SIRPA: variants seen among roughly 807,000 people sequenced by gnomAD.
SIRPA encodes the protein signal regulatory protein alpha.
In SIRPA, 9 loss-of-function variants were observed where a neutral mutation model predicts 50.3. The observed-to-expected ratio is 0.18, with a 90% CI of 0.11 to 0.31. The LOEUF (loss-of-function observed/expected upper bound fraction) is 0.31, where lower values mean the gene tolerates loss of function less well. Ranked by LOEUF, SIRPA falls within the 10% of genes least tolerant of loss-of-function variation. SIRPA has a pLI of 1.00. For synonymous variants in SIRPA, 265 were observed against 284.1 expected, an observed-to-expected ratio of 0.93 and a Z score of 0.68; for missense variants, 474 against 661.6, an observed-to-expected ratio of 0.72 and a Z score of 3.11.
intron 1 of SIRPA, among the ~76,000 whole-genome samples, chr20:1,904,191 A>G: frequency 6.6e-6 from 1 of 152,304 alleles, no homozygotes. Context: ...GCCCTAAGAT[A>G]TCAGGAAGCA....
At chr20:1,903,011 C>CAAAAAAAAAAAAAAAAAAA (rs58735842) in intron 1 of SIRPA, among the ~76,000 whole-genome samples, 2 of 90,892 alleles carry the variant, frequency 2.2e-5, no homozygotes, top group African/African-American at 8.5e-5. Flanking sequence ...GACTCTGTCT[C>CAAAAAAAAAAAAAAAAAAA]AAAAAAAAAA....
chr20:1,921,786 G>T, intron 3 of SIRPA, 74 bp downstream of exon 3: 3 of 1,559,256 alleles, frequency 1.9e-6, no homozygotes, highest in African/African-American at 3.0e-5. Context: ...CACTCATCCA[G>T]CTCTACTCTT....
chr20:1,937,663 G>A lies in SIRPA; in HGVS notation c.*95G>A, dbSNP rs186304926. ...AGCACAGCCAACCCAGTTCCCGGAGGGCTGGGGCGGTGCAGGCTCTGGGAC... is the reference window on the plus strand; with the variant it reads ...AGCACAGCCAACCCAGTTCCCGGAGAGCTGGGGCGGTGCAGGCTCTGGGAC... On this transcript the variant is annotated 3_prime_UTR_variant, in exon 8 of 8. Coordinates refer to ENST00000358771, the MANE Select transcript of SIRPA (RefSeq NM_001040023.2). The surrounding 1 kb of genome is among the most constrained non-coding windows in gnomAD (Gnocchi z 8.3). 7.3e-4 allele frequency: 1,108 copies of A among 1,507,786 alleles called. 12 individuals carry two copies. In the African/African-American group the frequency reaches 0.014, roughly 19 times the overall value. The allele number at this position is 1,507,786 out of a possible 1,614,324, so 93.4% of individuals were successfully genotyped here. A position where few individuals can be genotyped will look rare whatever the true frequency, so the allele number is the denominator to read the frequency against.
At chr20:1,926,108 A>G (rs1473037601) in intron 5 of SIRPA, among the ~76,000 whole-genome samples, 1 of 152,004 alleles carries the variant, frequency 6.6e-6, no homozygotes, top group Non-Finnish European at 1.5e-5. Flanking sequence ...TAGCTCCTTC[A>G]CCTCTGCCTC....
chr20:1,934,603 T>C lies in SIRPA; in HGVS notation c.1227-112T>C. 1 of 984,024 alleles carries C rather than the reference T, an allele frequency of 1.0e-6. No individual in the cohort carries two copies. The highest frequency in any genetic ancestry group is 1.6e-6 in the Non-Finnish European group (1 of 632,086). 61.0% of individuals were successfully genotyped at this position (984,024 alleles called of 1,614,324 possible). A position where few individuals can be genotyped will look rare whatever the true frequency, so the allele number is the denominator to read the frequency against. On this transcript the variant is annotated intron_variant, in intron 6 of 7. Transcript: ENST00000358771. The surrounding 1 kb of genome is among the most constrained non-coding windows in gnomAD (Gnocchi z 4.6). ...TTGTATTTCTGTTATGAGTCCTTCG[T>C]TCATGTCCTCAACCCATATAGAAAA...
At chr20:1,907,739 C>T (rs929266283) in intron 1 of SIRPA, among the ~76,000 whole-genome samples, 2 of 152,250 alleles carry the variant, frequency 1.3e-5, no homozygotes, top group African/African-American at 4.8e-5. Flanking sequence ...TCTTACTTGG[C>T]TCTGTTTTCT....
chr20:1,934,306 C>T lies in SIRPA; in HGVS notation c.1227-409C>T, dbSNP rs1986452973. 2.0e-5 allele frequency among the ~76,000 whole-genome samples: 3 copies of T among 152,074 alleles called. No homozygotes were observed. The South Asian group carries it at 6.2e-4, about 32-fold the overall frequency. On this transcript the variant is annotated intron_variant, in intron 6 of 7. Transcript: ENST00000358771. This position sits in a 1 kb window ranked among gnomAD's most constrained non-coding sequence, Gnocchi z 4.6. Reference sequence around the variant, plus strand: ...AAAGCTTTTTCTATATTTTGAATTCCCCCAAAAAAAAGTGCAATTATGAGT... The same window carrying T: ...AAAGCTTTTTCTATATTTTGAATTCTCCCAAAAAAAAGTGCAATTATGAGT...
rs976892281 is a variant in SIRPA at position 1,922,497 on chromosome 20, G to A, written c.939G>A (p.Met313Ile). The part of the protein sequence containing the change: ...TENKDGTYNW[M>I]SWLLVNVSAH... ...ACAAGGATGGTACCTACAACTGGAT[G>A]AGCTGGCTCCTGGTGAATGTATCTG... The change falls in exon 4 of 8, where the codon ATG (methionine) becomes ATA (isoleucine). Residue 313 changes from methionine to isoleucine, a missense_variant. Met to Ile is a conservative substitution (Grantham distance 10). Transcript: ENST00000358771. The A allele has an allele frequency of 1.9e-6, 3 of 1,614,218 alleles. No homozygotes were observed. The highest frequency in any genetic ancestry group is 1.6e-4 in the Middle Eastern group (1 of 6,062).
Position 1,922,654 on chromosome 20 carries a change from TC to T in SIRPA, c.1087+10del, listed in dbSNP as rs759542494. The T allele has an allele frequency of 1.9e-6, 3 of 1,606,726 alleles. No individual in the cohort carries two copies. The African/African-American group carries it at 4.0e-5, about 21-fold the overall frequency. ...CTCAAATACCGCCGCTGGTGAGGCCTCTATTTCAGCTGACCCAGCTTTTTTA... is the reference window on the plus strand; with the variant it reads ...CTCAAATACCGCCGCTGGTGAGGCCTTATTTCAGCTGACCCAGCTTTTTTA... On this transcript the variant is annotated intron_variant, in intron 4 of 7. Transcript: ENST00000358771.
rs1983740096 is a variant in SIRPA at position 1,895,490 on chromosome 20, C to T, written c.43C>T (p.Leu15Phe). 5.5e-6 allele frequency: 8 copies of T among 1,458,688 alleles called. No homozygotes were observed. Among genetic ancestry groups the T allele is most frequent in the Non-Finnish European group, 7.2e-6 (8 of 1,109,320 alleles). 90.4% of individuals were successfully genotyped at this position (1,458,688 alleles called of 1,614,324 possible). A position where few individuals can be genotyped will look rare whatever the true frequency, so the allele number is the denominator to read the frequency against. Residue 15 changes from leucine to phenylalanine, a missense_variant, in exon 1 of 8, where the codon CTC (leucine) becomes TTC (phenylalanine). Physicochemically the swap from Leu to Phe is conservative, Grantham distance 22 (BLOSUM62 0). Transcript: ENST00000358771. ...GPAPGRLGPLLCLLLAASCAW... is the reference protein window; with the variant it reads ...GPAPGRLGPLFCLLLAASCAW... ...GGCCCCCGGCCGCCTCGGGCCGCTG[C>T]TCTGCCTGCTGCTCGCCGCGTCCTG...
chr20:1,927,807 A>G lies in SIRPA; in HGVS notation c.1202-68A>G, dbSNP rs976172119. ...GTCCCTGGAGGCAAACCTTTTGCCAAAAAATAGTTACATAAGAAAAGTGTG... is the reference window on the plus strand; with the variant it reads ...GTCCCTGGAGGCAAACCTTTTGCCAGAAAATAGTTACATAAGAAAAGTGTG... On this transcript the variant is annotated intron_variant, in intron 5 of 7. Transcript: ENST00000358771. This position sits in a 1 kb window ranked among gnomAD's most constrained non-coding sequence, Gnocchi z 6.5. 95 of 1,516,112 alleles carry G rather than the reference A, an allele frequency of 6.3e-5. No individual in the cohort carries two copies. The African/African-American group carries it at 1.0e-3, about 16-fold the overall frequency. The allele number at this position is 1,516,112 out of a possible 1,614,324, so 93.9% of individuals were successfully genotyped here. A position where few individuals can be genotyped will look rare whatever the true frequency, so the allele number is the denominator to read the frequency against.
chr20:1,908,353 CCA>C (rs1455998424), intron 1 of SIRPA, among the ~76,000 whole-genome samples: 3 of 151,992 alleles, frequency 2.0e-5, no homozygotes, highest in Non-Finnish European at 4.4e-5. Flanking sequence ...GTGCCACCCC[CCA>C]CACACACCCT....
At chr20:1,905,278 G>C (rs1984477664) in intron 1 of SIRPA, among the ~76,000 whole-genome samples, 1 of 152,180 alleles carries the variant, frequency 6.6e-6, no homozygotes. Flanking sequence ...GGCAACCTGA[G>C]AATCCAGAAG....
rs71193939 is a variant in SIRPA, at chr20:1,937,980, TCCACCACCACCACCACCACCACCA to T, written c.*420_*443del. Reference sequence around the variant, plus strand: ...CCCACCTCCCCTGACCTCCACCACCTCCACCACCACCACCACCACCACCACCACCACTACCACCACCACCCAACT... The same window carrying T: ...CCCACCTCCCCTGACCTCCACCACCTCCACCACTACCACCACCACCCAACT... On this transcript the variant is annotated 3_prime_UTR_variant, in exon 8 of 8. Coordinates refer to ENST00000358771, the MANE Select transcript of SIRPA (RefSeq NM_001040023.2). The surrounding 1 kb of genome is among the most constrained non-coding windows in gnomAD (Gnocchi z 8.3). 1 of 152,600 alleles carries T rather than the reference TCCACCACCACCACCACCACCACCA, an allele frequency of 6.6e-6. No individual in the cohort carries two copies. Among genetic ancestry groups the T allele is most frequent in the Admixed American group, 6.6e-5 (1 of 15,118 alleles). The allele number at this position is 152,600 out of a possible 1,614,324, so 9.5% of individuals were successfully genotyped here.
chr20:1,895,523 T>C lies in SIRPA; in HGVS notation c.76T>C (p.Ser26Pro). ...CLLLAASCAW[S>P]GVAGEEELQV... ...GCTGCTCGCCGCGTCCTGCGCCTGG[T>C]CAGGTAAGCACCCCCCCGCTCCCCA... The change falls in exon 1 of 8, where the codon TCA becomes CCA. Residue 26 changes from serine (S) to proline (P), a missense_variant. By Grantham distance (74) the Ser-to-Pro change is moderately conservative. This residue lies in a region of SIRPA where 72 missense variants were observed against 76.2 expected (regional missense o/e 0.94). Transcript: ENST00000358771. 2 of 1,457,756 alleles carry C rather than the reference T, an allele frequency of 1.4e-6. No individual in the cohort carries two copies. Among genetic ancestry groups the C allele is most frequent in the Non-Finnish European group, 1.8e-6 (2 of 1,107,222 alleles). 90.3% of individuals were successfully genotyped at this position (1,457,756 alleles called of 1,614,324 possible). A position where few individuals can be genotyped will look rare whatever the true frequency, so the allele number is the denominator to read the frequency against.
At chr20:1,910,570 C>A (rs1031390176) in intron 1 of SIRPA, among the ~76,000 whole-genome samples, 26 of 152,142 alleles carry the variant, frequency 1.7e-4, no homozygotes, top group African/African-American at 5.8e-4. Flanking sequence ...CTACACTGTG[C>A]CAACCACAGT....
In SIRPA at chr20:1,927,949, TGACAGCCCCCCA is replaced by T; in HGVS notation, c.1226+54_1226+65del. The T allele has an allele frequency of 6.6e-7, 1 of 1,510,482 alleles. No individual in the cohort carries two copies. The highest frequency in any genetic ancestry group is 9.2e-7 in the Non-Finnish European group (1 of 1,085,514). The allele number at this position is 1,510,482 out of a possible 1,614,324, so 93.6% of individuals were successfully genotyped here. ...CTCTTGCAGTTATTATTTGGTTATT[TGACAGCCCCCCA>T]GACTACAAAGCATAATCCATGTCCA... On this transcript the variant is annotated intron_variant, in intron 6 of 7. Transcript: ENST00000358771. The surrounding 1 kb of genome is among the most constrained non-coding windows in gnomAD (Gnocchi z 6.5).
rs1440882028 is a variant in SIRPA at position 1,924,496 on chromosome 20, A to G, written c.1088-268A>G. ...CCTCAGGAGTGAGATTTCTGCCTGT[A>G]TCCTGCAGCAGGGGTTCCTCCGTAG... On this transcript the variant is annotated intron_variant, in intron 4 of 7. Transcript: ENST00000358771. The surrounding 1 kb of genome is among the most constrained non-coding windows in gnomAD (Gnocchi z 4.5). 2.0e-5 allele frequency among the ~76,000 whole-genome samples: 3 copies of G among 152,176 alleles called. No individual in the cohort carries two copies. The highest frequency in any genetic ancestry group is 2.9e-5 in the Non-Finnish European group (2 of 68,026).
At chr20:1,911,879 C>T (rs976264862) in intron 1 of SIRPA, among the ~76,000 whole-genome samples, 1 of 151,380 alleles carries the variant, frequency 6.6e-6, no homozygotes, top group South Asian at 2.1e-4. Context: ...AGACCCAGAG[C>T]CAGGAGTGAT....
Sources: gnomAD v4.1 joint callset for allele counts (sites outside exome capture counted in the v4.1 genomes callset) on GRCh38, gnomAD v4.1.1 for gene constraint, gnomAD v4.1.1 regional missense constraint, Gnocchi (gnomAD v3.1) non-coding constraint, MANE v1.5 for transcripts, NCBI Gene and HGNC (gene_info 2026-07-23, HGNC 2026-07-21) for gene names.